The following PCDH9 variants were observed in gnomAD, a reference collection of about 807,000 sequenced individuals.
PCDH9 encodes the protein protocadherin 9.
PCDH9 carries 24 observed loss-of-function variants against 70.6 expected under a neutral mutation model. The ratio of observed to expected loss-of-function variants is 0.34; its 90% confidence interval spans 0.25 to 0.48. The LOEUF (loss-of-function observed/expected upper bound fraction) is 0.48, where lower values mean the gene tolerates loss of function less well. Among genes scored for constraint, PCDH9 ranks in the 20% least tolerant of loss-of-function variants. PCDH9 has a pLI of 0.99. For missense variants in PCDH9, 1,281 were observed against 1,503.6 expected, an observed-to-expected ratio of 0.85 and a Z score of 2.45; for synonymous variants, 562 against 558.5, an observed-to-expected ratio of 1.01 and a Z score of -0.09.
At chr13:66,764,606 A>G (rs994889658) in intron 3 of PCDH9, among the ~76,000 whole-genome samples, 1 of 152,088 alleles carries the variant, frequency 6.6e-6, no homozygotes, top group African/African-American at 2.4e-5. Flanking sequence ...AAGACAAAAA[A>G]GAACAAAAGT....
At chr13:66,864,365 AG>A (rs2081535203) in intron 3 of PCDH9, among the ~76,000 whole-genome samples, 1 of 151,784 alleles carries the variant, frequency 6.6e-6, no homozygotes, top group African/African-American at 2.4e-5. Context: ...CTCCTCAAAA[AG>A]GGGGGTGGGG....
At chr13:66,708,405 T>TTG (rs1482815345) in intron 3 of PCDH9, among the ~76,000 whole-genome samples, 2 of 145,486 alleles carry the variant, frequency 1.4e-5, no homozygotes, top group Admixed American at 6.7e-5. Context: ...GAGATTTAGT[T>TTG]TTTTTTTTTT....
chr13:67,133,760 G>C (rs911438711), intron 2 of PCDH9, among the ~76,000 whole-genome samples: 1 of 152,048 alleles, frequency 6.6e-6, no homozygotes, highest in Non-Finnish European at 1.5e-5. Flanking sequence ...TTAAAAAAAT[G>C]ACTCAGAAAA....
rs138516184 is a variant in PCDH9 at position 66,588,112 on chromosome 13, C to T, written c.3340+43098G>A. On this transcript the variant is annotated intron_variant, in intron 4 of 4. Transcript: ENST00000377865. The stretch of plus-strand genomic sequence containing the variant: ...TTGTAAAAAATCATTTCTAGCTTGA[C>T]AGAATTTCCCTGTGGCATTGGGCCA... Among the ~76,000 whole-genome samples the T allele has an allele frequency of 2.9e-3, 442 of 152,126 alleles. 4 individuals carry two copies. The highest frequency in any genetic ancestry group is 0.01 in the African/African-American group (426 of 41,514).
intron 2 of PCDH9, among the ~76,000 whole-genome samples, chr13:67,153,179 T>A (rs79711337): frequency 6.7e-6 from 1 of 150,016 alleles, no homozygotes; most frequent in South Asian, 2.1e-4. Context: ...TTTTTTTTTT[T>A]AAGATAGGGT....
At chr13:66,550,399 C>T (rs529637252) in intron 4 of PCDH9, among the ~76,000 whole-genome samples, 1 of 152,212 alleles carries the variant, frequency 6.6e-6, no homozygotes, top group South Asian at 2.1e-4. Flanking sequence ...CCTAATATCT[C>T]TTCCCAATTA....
chr13:67,170,610 T>G (rs1168067119), intron 2 of PCDH9, among the ~76,000 whole-genome samples: 1 of 152,184 alleles, frequency 6.6e-6, no homozygotes, highest in Non-Finnish European at 1.5e-5. Context: ...TTGCATATTT[T>G]ACTATATTTA....
chr13:67,152,143 G>A (rs1024019971), intron 2 of PCDH9, among the ~76,000 whole-genome samples: 7 of 152,116 alleles, frequency 4.6e-5, no homozygotes, highest in Non-Finnish European at 7.3e-5. Flanking sequence ...TGAAATAAAA[G>A]CATAATCTGC....
intron 2 of PCDH9, among the ~76,000 whole-genome samples, chr13:66,983,170 G>T (rs1004248851): frequency 2.0e-5 from 3 of 151,940 alleles, no homozygotes; most frequent in Admixed American, 2.0e-4. Flanking sequence ...CACGGCAGAC[G>T]TTTACCTATG....
chr13:67,205,312 A>C (rs1385076602), intron 2 of PCDH9: 1 of 152,208 alleles, frequency 6.6e-6, no homozygotes, highest in African/African-American at 2.4e-5. Context: ...CTGGTGAACA[A>C]CATAAACTCC....
At chr13:66,393,999 A>T (rs1957063116) in intron 4 of PCDH9, among the ~76,000 whole-genome samples, 1 of 152,196 alleles carries the variant, frequency 6.6e-6, no homozygotes, top group Non-Finnish European at 1.5e-5. Context: ...GACTGACGGG[A>T]GAAATAGAGG....
chr13:66,569,166 T>C (rs1566424965), intron 4 of PCDH9, among the ~76,000 whole-genome samples: 1 of 151,590 alleles, frequency 6.6e-6, no homozygotes, highest in Admixed American at 6.6e-5. Flanking sequence ...CACCCCCAGC[T>C]AATTTTTGTA....
At chr13:66,817,568 A>G (rs1267198821) in intron 3 of PCDH9, among the ~76,000 whole-genome samples, 1 of 152,152 alleles carries the variant, frequency 6.6e-6, no homozygotes, top group African/African-American at 2.4e-5. Flanking sequence ...TCTTAGTAAA[A>G]TCACCTTAGT....
At chr13:66,536,366 T>C (rs1960702837) in intron 4 of PCDH9, among the ~76,000 whole-genome samples, 1 of 152,090 alleles carries the variant, frequency 6.6e-6, no homozygotes, top group African/African-American at 2.4e-5. Context: ...AACAACCAGG[T>C]ATTGGCATAA....
At chr13:66,874,914 A>AGTGTGTGTGTGT (rs36045690) in intron 3 of PCDH9, among the ~76,000 whole-genome samples, 1,386 of 137,286 alleles carry the variant, frequency 0.01, 8 homozygotes, top group Middle Eastern at 0.019. Flanking sequence ...CAAAAGCAGC[A>AGTGTGTGTGTGT]GTGTGTGTGT....
chr13:67,187,834 T>G (rs2138008169), intron 2 of PCDH9, among the ~76,000 whole-genome samples: 1 of 152,218 alleles, frequency 6.6e-6, no homozygotes, highest in African/African-American at 2.4e-5. Context: ...TTGATACAAG[T>G]GTACAATGTA....
rs556301738 is a variant in PCDH9 at position 66,724,566 on chromosome 13, C to T, written c.3139-93155G>A. The stretch of plus-strand genomic sequence containing the variant: ...TACAACTCTGACCTACAAATGATGT[C>T]CCGGAAGCCAAACCACAATCTCTGC... On this transcript the variant is annotated intron_variant, in intron 3 of 4. Coordinates refer to ENST00000377865, the MANE Select transcript of PCDH9 (RefSeq NM_203487.3). 7.6e-4 allele frequency among the ~76,000 whole-genome samples: 116 copies of T among 152,254 alleles called. 2 individuals carry two copies. The South Asian group carries it at 0.019, about 25-fold the overall frequency.
At chr13:66,651,094 A>C (rs1476787461) in intron 3 of PCDH9, among the ~76,000 whole-genome samples, 4 of 151,970 alleles carry the variant, frequency 2.6e-5, no homozygotes, top group Non-Finnish European at 5.9e-5. Context: ...GAAAAACTTC[A>C]AGTAAACAAC....
chr13:67,123,141 A>C (rs2086909235), intron 2 of PCDH9, among the ~76,000 whole-genome samples: 2 of 152,198 alleles, frequency 1.3e-5, no homozygotes, highest in South Asian at 4.1e-4. Context: ...CCTTCTAGGC[A>C]TGTTATAGCA....
Sources: allele counts gnomAD v4.1 joint callset (sites outside exome capture counted in the v4.1 genomes callset), GRCh38; gene constraint gnomAD v4.1.1; transcripts MANE v1.5; gene names NCBI Gene and HGNC (gene_info 2026-07-23, HGNC 2026-07-21).